The following INPP5D variants were observed in gnomAD, a reference collection of about 807,000 sequenced individuals.
INPP5D encodes the protein inositol polyphosphate-5-phosphatase D, also known as phosphatidylinositol 3,4,5-trisphosphate 5-phosphatase 1.
INPP5D carries 33 observed loss-of-function variants against 122.9 expected under a neutral mutation model. That is an observed-to-expected ratio of 0.27 (90% CI 0.20 to 0.36). The LOEUF is 0.36. INPP5D is among the 10% of genes least tolerant of loss of function. INPP5D has a pLI of 1.00. For missense variants in INPP5D, 1,053 were observed against 1,412.7 expected (o/e 0.75, Z 4.08); for synonymous variants, 584 against 576.2 (o/e 1.01, Z -0.19).
rs1312260312 is a variant in INPP5D at position 233,164,670 on chromosome 2, A to G, written c.1555+246A>G. Among the ~76,000 whole-genome samples, 3 of 152,124 alleles carry G rather than the reference A, an allele frequency of 2.0e-5. No individual in the cohort carries two copies. Among genetic ancestry groups the G allele is most frequent in the Non-Finnish European group, 4.4e-5 (3 of 68,022 alleles). ...TTCCGACCCAGTAGATCTTGGGTGG[A>G]GCTCAGGGTTCCAAGTTTCTGACAG... On this transcript the variant is annotated intron_variant, in intron 13 of 26. Coordinates refer to ENST00000445964, the MANE Select transcript of INPP5D (RefSeq NM_001017915.3). The surrounding 1 kb of genome is among the most constrained non-coding windows in gnomAD (Gnocchi z 4.3).
chr2:233,060,617 G>A lies in INPP5D; in HGVS notation c.134+5G>A. On this transcript the variant is annotated splice_donor_5th_base_variant and intron_variant, in intron 1 of 26. Transcript: ENST00000445964. Reference sequence around the variant, plus strand: ...GGCATACGCGCTCTGCGTGCTGTGAGTACAACCTGCTCCCTCCCCGGGCAC... The same window carrying A: ...GGCATACGCGCTCTGCGTGCTGTGAATACAACCTGCTCCCTCCCCGGGCAC... 6.2e-7 allele frequency: 1 copy of A among 1,613,760 alleles called. No individual in the cohort carries two copies. Among genetic ancestry groups the A allele is most frequent in the Non-Finnish European group, 8.5e-7 (1 of 1,179,672 alleles).
chr2:233,083,043 C>A (rs1691731855), intron 2 of INPP5D, among the ~76,000 whole-genome samples: 1 of 152,236 alleles, frequency 6.6e-6, no homozygotes, highest in African/African-American at 2.4e-5. Context: ...CAGGTGGCAT[C>A]TGTCCCTTGT....
chr2:233,130,038 A>G (rs1693275035), intron 4 of INPP5D, among the ~76,000 whole-genome samples: 1 of 152,110 alleles, frequency 6.6e-6, no homozygotes, highest in South Asian at 2.1e-4. Context: ...AGTAGCTGAG[A>G]TTGCAGGCAC....
chr2:233,121,367 AC>A (rs1322983369), intron 2 of INPP5D, among the ~76,000 whole-genome samples: 1 of 151,570 alleles, frequency 6.6e-6, no homozygotes, highest in Non-Finnish European at 1.5e-5. Flanking sequence ...CGAACTCCTG[AC>A]TTCAAGTGAT....
chr2:233,158,701 C>G (rs962353407), intron 10 of INPP5D, among the ~76,000 whole-genome samples: 6 of 152,194 alleles, frequency 3.9e-5, no homozygotes, highest in African/African-American at 1.4e-4. Context: ...AACTCAGCCC[C>G]ACACCTGGGG....
chr2:233,161,464 C>G (rs1694196187), intron 10 of INPP5D, among the ~76,000 whole-genome samples: 1 of 152,120 alleles, frequency 6.6e-6, no homozygotes, highest in Non-Finnish European at 1.5e-5. Context: ...TGTGCTGAGG[C>G]CTGTGCTGCA....
Position 233,189,830 on chromosome 2 carries a change from C to T in INPP5D, c.2359-20C>T, listed in dbSNP as rs1393976224. 1 of 1,611,956 alleles carries T rather than the reference C, an allele frequency of 6.2e-7. No homozygotes were observed. The highest frequency in any genetic ancestry group is 1.1e-5 in the South Asian group (1 of 90,830). ...TGTCCCTTGCCCATCAACTCCAGTCCTGTGCCCTTCTCTCTGCAGCTGAAG... is the reference window on the plus strand; with the variant it reads ...TGTCCCTTGCCCATCAACTCCAGTCTTGTGCCCTTCTCTCTGCAGCTGAAG... On this transcript the variant is annotated intron_variant, in intron 21 of 26. Coordinates refer to ENST00000445964, the MANE Select transcript of INPP5D (RefSeq NM_001017915.3). This position sits in a 1 kb window ranked among gnomAD's most constrained non-coding sequence, Gnocchi z 5.6.
chr2:233,165,258 T>C (rs1391749560), intron 13 of INPP5D, among the ~76,000 whole-genome samples: 1 of 152,162 alleles, frequency 6.6e-6, no homozygotes, highest in Non-Finnish European at 1.5e-5. Flanking sequence ...TGTGTGTCTA[T>C]ATGTGTGTGA....
intron 2 of INPP5D, among the ~76,000 whole-genome samples, chr2:233,097,701 G>A (rs983697690): frequency 3.9e-5 from 6 of 152,050 alleles, no homozygotes; most frequent in Non-Finnish European, 7.4e-5. Context: ...CATTTTAATA[G>A]TTTCTGAATT....
Position 233,128,993 on chromosome 2 carries a change from C to G in INPP5D, c.525-1515C>G, listed in dbSNP as rs112629607. On this transcript the variant is annotated intron_variant, in intron 4 of 26. Coordinates refer to ENST00000445964, the MANE Select transcript of INPP5D (RefSeq NM_001017915.3). This position sits in a 1 kb window ranked among gnomAD's most constrained non-coding sequence, Gnocchi z 4.5. ...TCAGCCTGGCCAACATGGTAAAACT[C>G]CACCTCTACTAAAAATACAAACATT... Among the ~76,000 whole-genome samples, 1,428 of 152,210 alleles carry G rather than the reference C, an allele frequency of 9.4e-3. 8 individuals carry two copies. Among genetic ancestry groups the G allele is most frequent in the African/African-American group, 0.013 (549 of 41,528 alleles).
At position 233,144,512 on chromosome 2, in the gene INPP5D, GTGGTGA is replaced by G. The variant is rs1227490196; in HGVS notation, c.754-1637_754-1632del. ...AGGACTGGTAGGGGTGGAGATGGTG[GTGGTGA>G]TGGTGATGGTGAGGGTGGAGGTGGT... On this transcript the variant is annotated intron_variant, in intron 6 of 26. Coordinates refer to ENST00000445964, the MANE Select transcript of INPP5D (RefSeq NM_001017915.3). Among the ~76,000 whole-genome samples the G allele has an allele frequency of 2.7e-3, 393 of 146,796 alleles. 1 individual carries two copies. The highest frequency in any genetic ancestry group is 8.5e-3 in the African/African-American group (331 of 38,846).
chr2:233,077,601 G>A (rs1011513623), intron 1 of INPP5D, among the ~76,000 whole-genome samples: 3 of 150,850 alleles, frequency 2.0e-5, no homozygotes, highest in Non-Finnish European at 4.4e-5. Context: ...AGAGTTTGCG[G>A]TGAGCCAAGA....
rs1247596496 is a variant in INPP5D at position 233,204,393 on chromosome 2, C to G, written c.3243C>G (p.Pro1081=). The change falls in exon 26 of 27, where the codon CCC becomes CCG. Residue 1081 remains proline (P), a synonymous_variant. Transcript: ENST00000445964. ...GGCCCGGCAAGCAGGTGCCCGCGCC[C>G]CGGCTGCGCTCCTTCACGTGCTCAT... is the stretch of plus-strand genomic sequence containing the variant. The part of the protein sequence containing the change: ...GEGPGKQVPA[P]RLRSFTCSSS... The G allele has an allele frequency of 1.9e-6, 3 of 1,610,410 alleles. No individual in the cohort carries two copies. Among genetic ancestry groups the G allele is most frequent in the Non-Finnish European group, 1.7e-6 (2 of 1,178,616 alleles).
chr2:233,198,137 C>T lies in INPP5D; in HGVS notation c.2736C>T (p.Asn912=), dbSNP rs1264129369. ...CSGSSITEII[N]PNYMGVGPFG... is the part of the protein sequence containing the mutation. ...GCTCCAGCATCACTGAAATCATCAA[C>T]CCCAACTACATGGGAGTGGGGCCCT... Residue 912 remains asparagine (N), a synonymous_variant, in exon 25 of 27, where the codon AAC becomes AAT. Coordinates refer to ENST00000445964, the MANE Select transcript of INPP5D (RefSeq NM_001017915.3). 2.5e-6 allele frequency: 4 copies of T among 1,612,876 alleles called. No homozygotes were observed. The highest frequency in any genetic ancestry group is 2.7e-5 in the African/African-American group (2 of 74,920).
At chr2:233,184,327 G>A (rs1559339993) in intron 19 of INPP5D, 81 bp from the exon 20 acceptor site, 1 of 1,538,576 alleles carries the variant, frequency 6.5e-7, no homozygotes, top group Non-Finnish European at 8.8e-7. Flanking sequence ...AAGGAGCTCA[G>A]TATGTGGCAT....
At chr2:233,204,834 G>T (rs544760688) in intron 26 of INPP5D, 117 bp downstream of exon 26, 3 of 1,379,906 alleles carry the variant, frequency 2.2e-6, no homozygotes, top group South Asian at 3.1e-5. Flanking sequence ...GCATATGTGC[G>T]TGCATGTGTG....
At chr2:233,113,609 C>T (rs1365671212) in intron 2 of INPP5D, among the ~76,000 whole-genome samples, 2 of 152,252 alleles carry the variant, frequency 1.3e-5, no homozygotes, top group African/African-American at 2.4e-5. Context: ...ACCACACTGC[C>T]CACCTTTCCT....
rs10208466 is a variant in INPP5D, at chr2:233,183,238, G to A, written c.2161+739G>A. 5.9e-5 allele frequency among the ~76,000 whole-genome samples: 9 copies of A among 152,110 alleles called. No individual in the cohort carries two copies. The highest frequency in any genetic ancestry group is 4.1e-4 in the South Asian group (2 of 4,826). On this transcript the variant is annotated intron_variant, in intron 19 of 26. Coordinates refer to ENST00000445964, the MANE Select transcript of INPP5D (RefSeq NM_001017915.3). This position sits in a 1 kb window ranked among gnomAD's most constrained non-coding sequence, Gnocchi z 4.6. ...GTCTCTGCCCAGTCTCTGCTTCCGC[G>A]GTCAGCCCAGTGGTCACTGGGCTCC...
In INPP5D at chr2:233,197,785, G is replaced by A. The variant is rs889258065; in HGVS notation, c.2694-310G>A. ...CAGACTTCAGCACTACATCAATACC[G>A]TGTCTCTGTGTCACTGAGCTTGTTT... On this transcript the variant is annotated intron_variant, in intron 24 of 26. Transcript: ENST00000445964. The surrounding 1 kb of genome is among the most constrained non-coding windows in gnomAD (Gnocchi z 4.4). Among the ~76,000 whole-genome samples, 5 of 152,186 alleles carry A rather than the reference G, an allele frequency of 3.3e-5. No homozygotes were observed. Among genetic ancestry groups the A allele is most frequent in the Admixed American group, 2.6e-4 (4 of 15,298 alleles).
Sources: allele counts gnomAD v4.1 joint callset (sites outside exome capture counted in the v4.1 genomes callset), GRCh38; gene constraint gnomAD v4.1.1; non-coding constraint Gnocchi (gnomAD v3.1); transcripts MANE v1.5; gene names NCBI Gene and HGNC (gene_info 2026-07-23, HGNC 2026-07-21).